INPP5F: variants seen among roughly 807,000 people sequenced by gnomAD.
INPP5F encodes inositol polyphosphate-5-phosphatase F.
INPP5F carries 97 observed loss-of-function variants against 137.2 expected under a neutral mutation model. That is an observed-to-expected ratio of 0.71 (90% CI 0.60 to 0.84). INPP5F has a LOEUF of 0.84. Ranked by LOEUF, INPP5F falls within the 40% of genes least tolerant of loss-of-function variation. The probability of loss-of-function intolerance (pLI) is 0.00; values close to 1 mark genes in which losing one functional copy is unlikely to be tolerated. For synonymous variants in INPP5F, 504 were observed against 476.9 expected (o/e 1.06, Z -0.74); for missense variants, 1,271 against 1,371.9 (o/e 0.93, Z 1.16).
intron 2 of INPP5F, among the ~76,000 whole-genome samples, chr10:119,772,688 G>A (rs1391970615): frequency 1.3e-5 from 2 of 152,136 alleles, no homozygotes; most frequent in South Asian, 2.1e-4. Flanking sequence ...GGGGGGCATG[G>A]CTTGCAGTGG....
intron 3 of INPP5F, among the ~76,000 whole-genome samples, chr10:119,782,535 C>G (rs2134183007): frequency 6.6e-6 from 1 of 152,178 alleles, no homozygotes; most frequent in African/African-American, 2.4e-5. Context: ...GTAGACATTA[C>G]TACAAATAAA....
At chr10:119,798,304 G>A (rs757358681) in intron 8 of INPP5F, among the ~76,000 whole-genome samples, 1 of 152,042 alleles carries the variant, frequency 6.6e-6, no homozygotes, top group Admixed American at 6.5e-5. Flanking sequence ...AAGTAGGCTA[G>A]ATATATAAAT....
chr10:119,807,881 C>T (rs1274094447), intron 12 of INPP5F, 51 bp from the exon 13 acceptor site: 14 of 1,510,038 alleles, frequency 9.3e-6, no homozygotes, highest in Middle Eastern at 1.8e-4. Flanking sequence ...ACATTTTTTG[C>T]TATGGTTTCC....
At chr10:119,784,439 A>T (rs1849809805) in intron 3 of INPP5F, among the ~76,000 whole-genome samples, 2 of 152,186 alleles carry the variant, frequency 1.3e-5, no homozygotes, top group Admixed American at 6.5e-5. Context: ...GTTAAACAAA[A>T]CTACTTATTT....
At chr10:119,788,802 A>G (rs932761120) in intron 3 of INPP5F, among the ~76,000 whole-genome samples, 1 of 152,222 alleles carries the variant, frequency 6.6e-6, no homozygotes, top group Non-Finnish European at 1.5e-5. Context: ...GAAGAGAACA[A>G]TGGACTCGGT....
intron 2 of INPP5F, among the ~76,000 whole-genome samples, chr10:119,760,046 C>T (rs1848965368): frequency 6.6e-6 from 1 of 152,184 alleles, no homozygotes; most frequent in African/African-American, 2.4e-5. Flanking sequence ...CAGTTCTGAG[C>T]TCCCCAGAGT....
At chr10:119,779,245 G>A (rs1849624741) in intron 2 of INPP5F, among the ~76,000 whole-genome samples, 1 of 152,064 alleles carries the variant, frequency 6.6e-6, no homozygotes, top group African/African-American at 2.4e-5. Flanking sequence ...ACCTGTATTG[G>A]GCATTTACTA....
At chr10:119,743,480 A>C (rs1848435412) in intron 1 of INPP5F, among the ~76,000 whole-genome samples, 1 of 152,110 alleles carries the variant, frequency 6.6e-6, no homozygotes, top group Non-Finnish European at 1.5e-5. Context: ...GATCCACACG[A>C]GAGAGTCTGG....
Position 119,823,159 on chromosome 10 carries a change from A to C in INPP5F, c.2121A>C (p.Thr707=). ...AAGAAGCGAGTGGCTATTTCCACAC[A>C]TTGCGAGCTGTAATGCGTAATCCTG... ...RYKEASGYFH[T]LRAVMRNPEE... is the part of the protein sequence containing the mutation. The change falls in exon 18 of 20, where the codon ACA becomes ACC. Residue 707 remains threonine, a synonymous_variant. Transcript: ENST00000650623. The C allele has an allele frequency of 6.2e-7, 1 of 1,614,126 alleles. No individual in the cohort carries two copies.
At chr10:119,742,940 C>T (rs566220931) in intron 1 of INPP5F, among the ~76,000 whole-genome samples, 4 of 152,050 alleles carry the variant, frequency 2.6e-5, no homozygotes, top group East Asian at 1.9e-4. Flanking sequence ...TGCCATGAGC[C>T]GAGATCGCGC....
At chr10:119,805,300 G>A in intron 10 of INPP5F, 84 bp from the exon 11 acceptor site, 1 of 991,878 alleles carries the variant, frequency 1.0e-6, no homozygotes, top group Non-Finnish European at 1.5e-6. Context: ...ATTTTTCGAA[G>A]CTACATTAAA....
chr10:119,767,947 T>G (rs1849224544), intron 2 of INPP5F, among the ~76,000 whole-genome samples: 1 of 152,206 alleles, frequency 6.6e-6, no homozygotes, highest in African/African-American at 2.4e-5. Flanking sequence ...GACTGTCAAT[T>G]TGAAATGACA....
rs1850735641 is a variant in INPP5F, at chr10:119,805,384, C to T, written c.1242C>T (p.Cys414=). 1 of 1,609,450 alleles carries T rather than the reference C, an allele frequency of 6.2e-7. No individual in the cohort carries two copies. The highest frequency in any genetic ancestry group is 1.3e-5 in the African/African-American group (1 of 74,698). Residue 414 remains cysteine, a splice_region_variant and synonymous_variant, in exon 11 of 20, where the codon TGC becomes TGT. Transcript: ENST00000650623. ...TTCTTTCTTTTGGCATGGATTTTAG[C>T]CGAGGAATGAAGTTTGAGAATGTTC... is the stretch of plus-strand genomic sequence containing the variant. ...TYVSFDFHEH[C]RGMKFENVQT...
intron 1 of INPP5F, among the ~76,000 whole-genome samples, chr10:119,730,791 ACTTT>A (rs1247119272): frequency 3.3e-5 from 1 of 30,510 alleles, no homozygotes; most frequent in African/African-American, 7.6e-5. Context: ...ATCCCAGTGA[ACTTT>A]TTTTTTTTTT....
Position 119,827,577 on chromosome 10 carries a change from A to G in INPP5F, c.3196A>G (p.Arg1066Gly), listed in dbSNP as rs764517269. ...TPSPSESSSS[R>G]AVSPFAKIRS... ...TTCTCCTTCAGAGAGCAGTAGCAGC[A>G]GAGCAGTCTCTCCCTTTGCCAAGAT... Residue 1066 changes from arginine (R) to glycine (G), a missense_variant, in exon 20 of 20, where the codon AGA becomes GGA. By Grantham distance (125) the Arg-to-Gly change is moderately radical. Coordinates refer to ENST00000650623, the MANE Select transcript of INPP5F (RefSeq NM_014937.4). 1.9e-6 allele frequency: 3 copies of G among 1,614,188 alleles called. No individual in the cohort carries two copies. Among genetic ancestry groups the G allele is most frequent in the South Asian group, 2.2e-5 (2 of 91,084 alleles).
chr10:119,758,073 C>T (rs1012451726), intron 2 of INPP5F, among the ~76,000 whole-genome samples: 5 of 152,176 alleles, frequency 3.3e-5, no homozygotes, highest in Admixed American at 6.5e-5. Flanking sequence ...CAAGCTGGGG[C>T]TGCAGGTCGA....
Position 119,827,381 on chromosome 10 carries a change from A to G in INPP5F, c.3000A>G (p.Gln1000=), listed in dbSNP as rs776670871. The G allele has an allele frequency of 5.0e-6, 8 of 1,614,230 alleles. No homozygotes were observed. The East Asian group carries it at 1.1e-4, about 22-fold the overall frequency. The change falls in exon 20 of 20, where the codon CAA becomes CAG. Residue 1000 remains glutamine, a synonymous_variant. Transcript: ENST00000650623. ...QMTNQVSNET[Q]SESTEQTPSR... is the part of the protein sequence containing the mutation. ...CCAATCAAGTTTCAAATGAAACCCA[A>G]TCAGAATCAACAGAACAGACACCTT... is the stretch of plus-strand genomic sequence containing the variant.
intron 3 of INPP5F, among the ~76,000 whole-genome samples, chr10:119,791,218 C>G (rs918873003): frequency 2.0e-5 from 3 of 152,170 alleles, no homozygotes; most frequent in African/African-American, 7.2e-5. Context: ...TAACCTCAGC[C>G]GGAACATTTC....
intron 7 of INPP5F, 55 bp from the exon 8 acceptor site, chr10:119,797,406 C>T: frequency 7.4e-7 from 1 of 1,357,072 alleles, no homozygotes; most frequent in Non-Finnish European, 1.0e-6. Context: ...ATAATCTAGC[C>T]AGACTAAATA....
Sources: allele counts gnomAD v4.1 joint callset (sites outside exome capture counted in the v4.1 genomes callset), GRCh38; gene constraint gnomAD v4.1.1; transcripts MANE v1.5; gene names NCBI Gene and HGNC (gene_info 2026-07-23, HGNC 2026-07-21).